Variants in INO80D observed in about 807,000 individuals in gnomAD.
INO80D encodes INO80 complex subunit D.
Under a neutral mutation model 87.6 loss-of-function variants are expected in INO80D, and 21 were observed. The observed-to-expected ratio is 0.24, with a 90% CI of 0.17 to 0.35. The LOEUF (loss-of-function observed/expected upper bound fraction) is 0.35, where lower values mean the gene tolerates loss of function less well. INO80D is among the 10% of genes least tolerant of loss of function. The pLI is 1.00. For synonymous variants in INO80D, 440 were observed against 491.0 expected, an observed-to-expected ratio of 0.90 and a Z score of 1.37; for missense variants, 982 against 1,280.7, an observed-to-expected ratio of 0.77 and a Z score of 3.56.
intron 1 of INO80D, among the ~76,000 whole-genome samples, chr2:206,066,141 T>TC (rs778730604): frequency 6.6e-6 from 1 of 152,054 alleles, no homozygotes; most frequent in Non-Finnish European, 1.5e-5. Context: ...GCGCCTGTAG[T>TC]CTCAGCTACT....
intron 5 of INO80D, among the ~76,000 whole-genome samples, chr2:206,029,050 G>C (rs1329467328): frequency 6.6e-6 from 1 of 151,860 alleles, no homozygotes; most frequent in Non-Finnish European, 1.5e-5. Context: ...ACCACGCCTG[G>C]CTAATTTTTT....
rs1375982033 is a variant in INO80D at position 206,019,780 on chromosome 2, T to C, written c.1364A>G (p.Gln455Arg). 4 of 1,613,910 alleles carry C rather than the reference T, an allele frequency of 2.5e-6. No homozygotes were observed. Among genetic ancestry groups the C allele is most frequent in the Non-Finnish European group, 3.4e-6 (4 of 1,179,842 alleles). Residue 455 changes from glutamine (Q) to arginine (R), a missense_variant, in exon 7 of 11, where the codon CAG (glutamine) becomes CGG (arginine). Gln to Arg is a conservative substitution (Grantham distance 43). Coordinates refer to ENST00000403263, the MANE Select transcript of INO80D (RefSeq NM_017759.5). ...GAATGGAAGGGCTTTGTTAGCGCAC[T>C]GTTCACCCTTCACGGTTCCACTGCA... ...AACSGTVKGE[Q>R]CANKALPFTR...
intron 5 of INO80D, among the ~76,000 whole-genome samples, chr2:206,035,022 A>G (rs1477782039): frequency 4.6e-5 from 7 of 152,170 alleles, no homozygotes; most frequent in Non-Finnish European, 1.0e-4. Context: ...ATACTTAGGA[A>G]TATACCTAAC....
chr2:206,010,312 A>G (rs1278016077), intron 8 of INO80D, among the ~76,000 whole-genome samples: 1 of 152,138 alleles, frequency 6.6e-6, no homozygotes, highest in Non-Finnish European at 1.5e-5. Flanking sequence ...AAAAAGGAAA[A>G]TAACCACAAA....
At chr2:206,033,577 A>G (rs905219838) in intron 5 of INO80D, among the ~76,000 whole-genome samples, 6 of 152,198 alleles carry the variant, frequency 3.9e-5, no homozygotes, top group African/African-American at 1.4e-4. Context: ...CCTCTTGGAT[A>G]CAGCAAAGGC....
intron 5 of INO80D, among the ~76,000 whole-genome samples, chr2:206,042,646 A>G (rs936463810): frequency 6.9e-6 from 1 of 145,180 alleles, no homozygotes; most frequent in African/African-American, 2.5e-5. Context: ...GTGCCATTGC[A>G]CTCCAGCTTG....
chr2:205,994,729 A>C lies in INO80D; in HGVS notation c.*9639T>G, dbSNP rs1484843669. ...GTTCTTGAGATGTAATCTGCTGCCA[A>C]CTCTTCACAAAATAAAATAATATTT... On this transcript the variant is annotated 3_prime_UTR_variant, in exon 11 of 11. Transcript: ENST00000403263. 1.3e-5 allele frequency: 2 copies of C among 152,070 alleles called. No homozygotes were observed. The highest frequency in any genetic ancestry group is 2.9e-5 in the Non-Finnish European group (2 of 68,012). The allele number at this position is 152,070 out of a possible 1,614,324, so 9.4% of individuals were successfully genotyped here.
At chr2:206,068,421 G>A (rs536695187) in intron 1 of INO80D, among the ~76,000 whole-genome samples, 2 of 151,894 alleles carry the variant, frequency 1.3e-5, no homozygotes, top group Admixed American at 1.3e-4. Flanking sequence ...TAGATCTCAG[G>A]TCAGCAAACT....
Position 206,056,737 on chromosome 2 carries a change from T to G in INO80D, c.425A>C (p.Tyr142Ser). 6.2e-7 allele frequency: 1 copy of G among 1,613,418 alleles called. No individual in the cohort carries two copies. Among genetic ancestry groups the G allele is most frequent in the Non-Finnish European group, 8.5e-7 (1 of 1,179,668 alleles). ...SPPGARVPLH[Y>S]LETELEDPFA... is the part of the protein sequence containing the mutation. ...TGGGTCTTCCAATTCGGTTTCCAGG[T>G]AGTGGAGAGGGACCCTTGCCCCAGG... The change falls in exon 4 of 11, where the codon TAC (tyrosine) becomes TCC (serine). Residue 142 changes from tyrosine to serine, a missense_variant. Tyr to Ser is a moderately radical substitution (Grantham distance 144, BLOSUM62 -2). Coordinates refer to ENST00000403263, the MANE Select transcript of INO80D (RefSeq NM_017759.5).
intron 4 of INO80D, among the ~76,000 whole-genome samples, chr2:206,055,435 G>A (rs1689488653): frequency 6.6e-6 from 1 of 152,192 alleles, no homozygotes; most frequent in South Asian, 2.1e-4. Context: ...TCATTAACAG[G>A]TATTGCCTTG....
intron 4 of INO80D, among the ~76,000 whole-genome samples, chr2:206,055,325 G>A (rs10187043): frequency 1.3e-5 from 2 of 152,176 alleles, no homozygotes; most frequent in Admixed American, 1.3e-4. Flanking sequence ...AATCGAGGAA[G>A]TTTTCTTAAG....
rs747745297 is a variant in INO80D, at chr2:206,004,502, T to C, written c.2950A>G (p.Ser984Gly). The change falls in exon 11 of 11, where the codon AGT becomes GGT. Residue 984 changes from serine to glycine, a missense_variant. Ser to Gly is a moderately conservative substitution (Grantham distance 56). Coordinates refer to ENST00000403263, the MANE Select transcript of INO80D (RefSeq NM_017759.5). This position sits in a 1 kb window ranked among gnomAD's most constrained non-coding sequence, Gnocchi z 4.9. ...TCCTTAGGAATGCCACTGTGAGAAC[T>C]CAGCTGGTGGCCAAAGGCTGCGCTG... is the stretch of plus-strand genomic sequence containing the variant. ...QFSAAFGHQLSSHSGIPKDLQ... is the reference protein window; with the variant it reads ...QFSAAFGHQLGSHSGIPKDLQ... 2 of 1,609,752 alleles carry C rather than the reference T, an allele frequency of 1.2e-6. No homozygotes were observed. Among genetic ancestry groups the C allele is most frequent in the East Asian group, 2.2e-5 (1 of 44,742 alleles).
chr2:206,003,350 C>A lies in INO80D; in HGVS notation c.*1018G>T, dbSNP rs966504141. The A allele has an allele frequency of 7.9e-5, 12 of 152,188 alleles. No homozygotes were observed. Among genetic ancestry groups the A allele is most frequent in the African/African-American group, 2.9e-4 (12 of 41,450 alleles). 9.4% of individuals were successfully genotyped at this position (152,188 alleles called of 1,614,324 possible). ...TCCCATCTTTTCAAATCTATCTGAC[C>A]TATCCTGCTTTTTCACATCAAAATA... On this transcript the variant is annotated 3_prime_UTR_variant, in exon 11 of 11. Coordinates refer to ENST00000403263, the MANE Select transcript of INO80D (RefSeq NM_017759.5).
At position 206,065,425 on chromosome 2, in the gene INO80D, C is replaced by T. The variant is rs148541476; in HGVS notation, c.-123-2181G>A. Among the ~76,000 whole-genome samples, 154 of 152,086 alleles carry T rather than the reference C, an allele frequency of 1.0e-3. 1 individual carries two copies. Among genetic ancestry groups the T allele is most frequent in the African/African-American group, 3.3e-3 (138 of 41,498 alleles). On this transcript the variant is annotated intron_variant, in intron 1 of 10. Transcript: ENST00000403263. The stretch of plus-strand genomic sequence containing the variant: ...CAGAGGTTGCAGTGAGCCGAGATCA[C>T]GCCACTGCACTCCAGTCTGGGCAAC...
At chr2:206,058,418 CAAAA>C (rs59790218) in intron 3 of INO80D, among the ~76,000 whole-genome samples, 1 of 125,328 alleles carries the variant, frequency 8.0e-6, no homozygotes, top group African/African-American at 3.5e-5. Flanking sequence ...GACTCTGTCT[CAAAA>C]AAAAAAAAAA....
At chr2:206,070,116 A>T (rs2105899637) in intron 1 of INO80D, among the ~76,000 whole-genome samples, 1 of 151,472 alleles carries the variant, frequency 6.6e-6, no homozygotes, top group Admixed American at 6.6e-5. Flanking sequence ...CTCTACAAAG[A>T]ATACAAAAAT....
At position 206,004,979 on chromosome 2, in the gene INO80D, G is replaced by T. The variant is rs1687985478; in HGVS notation, c.2473C>A (p.Pro825Thr). The T allele has an allele frequency of 1.2e-6, 2 of 1,614,040 alleles. No homozygotes were observed. Among genetic ancestry groups the T allele is most frequent in the Non-Finnish European group, 1.7e-6 (2 of 1,179,896 alleles). ...QYSSDHSHSS[P>T]HGSHYDSEHV... ...TCACTATCATAATGGCTTCCATGGG[G>T]TGAGGAGTGTGAGTGATCACTGCTG... The change falls in exon 11 of 11, where the codon CCC (proline) becomes ACC (threonine). Residue 825 changes from proline to threonine, a missense_variant. Physicochemically the swap from Pro to Thr is conservative, Grantham distance 38. Coordinates refer to ENST00000403263, the MANE Select transcript of INO80D (RefSeq NM_017759.5). The surrounding 1 kb of genome is among the most constrained non-coding windows in gnomAD (Gnocchi z 4.9).
rs1029968091 is a variant in INO80D, at chr2:206,056,671, G to T, written c.491C>A (p.Ala164Glu). Residue 164 changes from alanine (A) to glutamate (E), a missense_variant, in exon 4 of 11, where the codon GCA becomes GAA. Coordinates refer to ENST00000403263, the MANE Select transcript of INO80D (RefSeq NM_017759.5). ...GCTCTGCAACTTCTTTCTCACAGTTGCCCCTTTCTTTAGGTCATCATCTTC... is the reference window on the plus strand; with the variant it reads ...GCTCTGCAACTTCTTTCTCACAGTTTCCCCTTTCTTTAGGTCATCATCTTC... ...NEEDDDLKKG[A>E]TVRKKLQSKL... is the part of the protein sequence containing the mutation. 6.2e-7 allele frequency: 1 copy of T among 1,613,366 alleles called. No homozygotes were observed. Among genetic ancestry groups the T allele is most frequent in the Admixed American group, 1.7e-5 (1 of 59,872 alleles).
intron 3 of INO80D, among the ~76,000 whole-genome samples, chr2:206,058,276 G>A (rs949447578): frequency 2.0e-5 from 3 of 151,834 alleles, no homozygotes; most frequent in Non-Finnish European, 2.9e-5. Context: ...AAAATTAGCC[G>A]GGCGTGGTGG....
Sources: gnomAD v4.1 joint callset for allele counts (sites outside exome capture counted in the v4.1 genomes callset) on GRCh38, gnomAD v4.1.1 for gene constraint, Gnocchi (gnomAD v3.1) non-coding constraint, MANE v1.5 for transcripts, NCBI Gene and HGNC (gene_info 2026-07-23, HGNC 2026-07-21) for gene names.